The following U2AF1L4 variants were observed in gnomAD, a reference collection of about 807,000 sequenced individuals.
U2AF1L4 encodes the protein U2 small nuclear RNA auxiliary factor 1 like 4.
Under a neutral mutation model 21.7 loss-of-function variants are expected in U2AF1L4, and 21 were observed. The observed-to-expected ratio is 0.97, with a 90% CI of 0.69 to 1.39. The LOEUF (loss-of-function observed/expected upper bound fraction) is 1.39, where lower values mean the gene tolerates loss of function less well. Among genes scored for constraint, U2AF1L4 ranks in the 40% most tolerant of loss-of-function variants. The probability of loss-of-function intolerance (pLI) is 0.00; values close to 1 mark genes in which losing one functional copy is unlikely to be tolerated. For synonymous variants in U2AF1L4, 92 were observed against 89.7 expected, an observed-to-expected ratio of 1.03 and a Z score of -0.15; for missense variants, 259 against 245.7, an observed-to-expected ratio of 1.05 and a Z score of -0.36.
rs1179820575 is a variant in U2AF1L4 at position 35,745,365 on chromosome 19, G to A, written c.27C>T (p.Phe9=). Residue 9 remains phenylalanine (F), a synonymous_variant, in exon 1 of 6, where the codon TTC becomes TTT. Transcript: ENST00000378975. MAEYLASI[F]GTEKDKVNCS... The stretch of plus-strand genomic sequence containing the variant: ...GTTCTCACTTGTCCTTCTCAGTCCC[G>A]AATATCGAAGCTAAATATTCAGCCA... 1 of 1,609,662 alleles carries A rather than the reference G, an allele frequency of 6.2e-7. No individual in the cohort carries two copies. The highest frequency in any genetic ancestry group is 8.5e-7 in the Non-Finnish European group (1 of 1,177,800).
chr19:35,745,170 GTGCC>G lies in U2AF1L4; in HGVS notation c.83_86del (p.Arg28ProfsTer32), dbSNP rs1568398820. ...TGTGAAGCCGGGAGCACCGGTCCCC[GTGCC>G]GGCAGACCCCGATCTTAAAGTAAAA... On this transcript the variant is annotated frameshift_variant, in exon 2 of 6. Coordinates refer to ENST00000378975, the MANE Select transcript of U2AF1L4 (RefSeq NM_001040425.3). LOFTEE classifies it high-confidence loss of function. 1.2e-6 allele frequency: 2 copies of G among 1,613,652 alleles called. No individual in the cohort carries two copies. Among genetic ancestry groups the G allele is most frequent in the Non-Finnish European group, 1.7e-6 (2 of 1,180,004 alleles).
chr19:35,743,662 G>A, intron 5 of U2AF1L4, 147 bp downstream of exon 5: 1 of 766,030 alleles, frequency 1.3e-6, no homozygotes, highest in Non-Finnish European at 2.1e-6. Flanking sequence ...ACTCCAGCCT[G>A]GGCAACAGAG....
rs1970517405 is a variant in U2AF1L4, at chr19:35,745,196, A to G, written c.61T>C (p.Tyr21His). 1 of 1,613,578 alleles carries G rather than the reference A, an allele frequency of 6.2e-7. No individual in the cohort carries two copies. The highest frequency in any genetic ancestry group is 1.3e-5 in the African/African-American group (1 of 74,914). ...TEKDKVNCSF[Y>H]FKIGVCRHGD... ...TGCCGGCAGACCCCGATCTTAAAGT[A>G]AAAAGAGCAGTTAACCCTGGAAAAG... Residue 21 changes from tyrosine (Y) to histidine (H), a missense_variant, in exon 2 of 6, where the codon TAC (tyrosine) becomes CAC (histidine). By Grantham distance (83) the Tyr-to-His change is moderately conservative. Transcript: ENST00000378975.
At chr19:35,744,939 A>G in intron 2 of U2AF1L4, 186 bp downstream of exon 2, 2 of 730,576 alleles carry the variant, frequency 2.7e-6, no homozygotes, top group Admixed American at 5.6e-5. Context: ...TGGGGGCGCG[A>G]CCAAGTTCCC....
In U2AF1L4 at chr19:35,743,829, A is replaced by G. The variant is rs774211062; in HGVS notation, c.441T>C (p.Tyr147=). The change falls in exon 5 of 6, where the codon TAT becomes TAC. Residue 147 remains tyrosine, a synonymous_variant. Transcript: ENST00000378975. The part of the protein sequence containing the change: ...PISQNLQRQL[Y]GRGPRRRSPP... ...GGTACCTGCGCCTGGGTCCCCGCCC[A>G]TAGAGCTGCCTCTGGAGGTTCTGGG... The G allele has an allele frequency of 1.2e-6, 2 of 1,612,540 alleles. No individual in the cohort carries two copies. The highest frequency in any genetic ancestry group is 2.2e-5 in the East Asian group (1 of 44,824).
chr19:35,744,596 C>T, intron 2 of U2AF1L4, 175 bp from the exon 3 acceptor site: 2 of 1,539,512 alleles, frequency 1.3e-6, no homozygotes, highest in South Asian at 1.2e-5. Flanking sequence ...GGGCTGTTCA[C>T]CTTGCCCCCA....
intron 2 of U2AF1L4, chr19:35,744,705 T>A: frequency 2.6e-6 from 4 of 1,535,952 alleles, no homozygotes; most frequent in Non-Finnish European, 3.5e-6. Context: ...GCACAGAATT[T>A]AAAAGGGGCG....
rs747807269 is a variant in U2AF1L4, at chr19:35,745,215, G to A, written c.45-3C>T. ...TAAAGTAAAAAGAGCAGTTAACCCT[G>A]GAAAAGGTGCAAAGACAAAGGTGAA... is the stretch of plus-strand genomic sequence containing the variant. On this transcript the variant is annotated splice_polypyrimidine_tract_variant and splice_region_variant and intron_variant, in intron 1 of 5. Transcript: ENST00000378975. 1.9e-6 allele frequency: 3 copies of A among 1,613,388 alleles called. No homozygotes were observed. Among genetic ancestry groups the A allele is most frequent in the South Asian group, 1.1e-5 (1 of 91,078 alleles).
chr19:35,744,732 G>A (rs1188076349), intron 2 of U2AF1L4: 39 of 1,535,694 alleles, frequency 2.5e-5, no homozygotes, highest in Non-Finnish European at 3.2e-5. Flanking sequence ...GAGCTCAGAG[G>A]GCAGGGCTGC....
chr19:35,743,400 A>C, intron 5 of U2AF1L4: 1 of 215,340 alleles, frequency 4.6e-6, no homozygotes, highest in Non-Finnish European at 9.1e-6. Flanking sequence ...AAAAAAAAAA[A>C]AAACAGTCAG....
chr19:35,743,630 T>C (rs1364815030), intron 5 of U2AF1L4, 179 bp downstream of exon 5: 4 of 638,224 alleles, frequency 6.3e-6, no homozygotes, highest in East Asian at 2.8e-5. Context: ...GAAGTTGCCA[T>C]GAACCAAGAT....
chr19:35,742,930 C>T, intron 5 of U2AF1L4, 127 bp from the exon 6 acceptor site: 2 of 871,662 alleles, frequency 2.3e-6, no homozygotes, highest in Non-Finnish European at 1.8e-6. Context: ...TAAGACACGA[C>T]CTCAGTGGCC....
chr19:35,744,843 A>G, intron 2 of U2AF1L4: 1 of 938,830 alleles, frequency 1.1e-6, no homozygotes, highest in Non-Finnish European at 1.6e-6. Context: ...GAAACCAGAA[A>G]AGGGATGGAG....
At chr19:35,743,731 GGGGCTTA>G (rs1210239789) in intron 5 of U2AF1L4, 71 bp downstream of exon 5, 1 of 1,202,550 alleles carries the variant, frequency 8.3e-7, no homozygotes, top group Non-Finnish European at 1.2e-6. Flanking sequence ...CGTGGTTACT[GGGGCTTA>G]GGGTTAGGCT....
At chr19:35,744,258 C>CA in intron 3 of U2AF1L4, 65 bp downstream of exon 3, 1 of 1,608,108 alleles carries the variant, frequency 6.2e-7, no homozygotes, top group Non-Finnish European at 8.5e-7. Context: ...TGAGAGCCTA[C>CA]AGTGGCCACC....
intron 1 of U2AF1L4, 31 bp from the exon 2 acceptor site, chr19:35,745,243 G>T: frequency 6.2e-7 from 1 of 1,610,136 alleles, no homozygotes. Flanking sequence ...AAGGTGAACC[G>T]AGGGCCGGGG....
In U2AF1L4 at chr19:35,742,641, A is replaced by G. The variant is rs1970310948; in HGVS notation, c.*78T>C. On this transcript the variant is annotated 3_prime_UTR_variant, in exon 6 of 6. Transcript: ENST00000378975. ...GAGCCTGGGAAGGATGGGGCAGGAG[A>G]GTGAAGGGGGCTTTGAGGAGAGGTC... 3.1e-6 allele frequency: 5 copies of G among 1,613,228 alleles called. No homozygotes were observed. The highest frequency in any genetic ancestry group is 1.3e-5 in the African/African-American group (1 of 74,778).
chr19:35,744,214 G>T, intron 3 of U2AF1L4, 69 bp from the exon 4 acceptor site: 1 of 1,605,640 alleles, frequency 6.2e-7, no homozygotes, highest in Non-Finnish European at 8.5e-7. Flanking sequence ...TACCCGCTCT[G>T]GGGCTGGACT....
At chr19:35,744,794 C>G in intron 2 of U2AF1L4, 1 of 1,378,480 alleles carries the variant, frequency 7.3e-7, no homozygotes, top group Middle Eastern at 2.3e-4. Context: ...ACACCCCAGC[C>G]TAAGCATCAT....
Sources: gnomAD v4.1 joint callset for allele counts on GRCh38, gnomAD v4.1.1 for gene constraint, MANE v1.5 for transcripts, NCBI Gene and HGNC (gene_info 2026-07-23, HGNC 2026-07-21) for gene names.